CDK14: variants seen among roughly 807,000 people sequenced by gnomAD.
The protein encoded by CDK14 is cyclin-dependent kinase 14.
CDK14 carries 34 observed loss-of-function variants against 60.7 expected under a neutral mutation model. That is an observed-to-expected ratio of 0.56 (90% CI 0.43 to 0.75). The LOEUF (loss-of-function observed/expected upper bound fraction) is 0.75. CDK14 is among the 30% of genes least tolerant of loss of function. CDK14 has a pLI of 0.00. For missense variants in CDK14, 482 were observed against 564.1 expected (o/e 0.85, Z 1.47); for synonymous variants, 197 against 203.7 (o/e 0.97, Z 0.28).
intron 14 of CDK14, among the ~76,000 whole-genome samples, chr7:91,165,833 T>C (rs1354666342): frequency 6.6e-6 from 1 of 152,246 alleles, no homozygotes; most frequent in Non-Finnish European, 1.5e-5. Context: ...AAGTAATCAA[T>C]CATAGATTTA....
chr7:91,031,231 A>G (rs1003798711), intron 10 of CDK14, among the ~76,000 whole-genome samples: 1 of 152,184 alleles, frequency 6.6e-6, no homozygotes, highest in African/African-American at 2.4e-5. Flanking sequence ...TAAAGGGACA[A>G]TAAGATGATT....
At chr7:90,797,539 G>A (rs1376744584) in intron 5 of CDK14, among the ~76,000 whole-genome samples, 1 of 151,820 alleles carries the variant, frequency 6.6e-6, no homozygotes, top group Non-Finnish European at 1.5e-5. Flanking sequence ...AATGGCTTTG[G>A]GCCTTAGTAA....
chr7:91,083,478 A>T (rs1377877003), intron 12 of CDK14, among the ~76,000 whole-genome samples: 3 of 152,094 alleles, frequency 2.0e-5, no homozygotes, highest in Non-Finnish European at 4.4e-5. Flanking sequence ...TCTTGTCCTG[A>T]CCCTGCACTG....
At chr7:90,835,939 A>G (rs989817376) in intron 5 of CDK14, among the ~76,000 whole-genome samples, 2 of 152,206 alleles carry the variant, frequency 1.3e-5, no homozygotes, top group Non-Finnish European at 2.9e-5. Flanking sequence ...TTGTAACACA[A>G]TGGTAAGTAT....
chr7:90,871,393 G>C (rs1338562649), intron 6 of CDK14, among the ~76,000 whole-genome samples: 1 of 152,118 alleles, frequency 6.6e-6, no homozygotes, highest in Non-Finnish European at 1.5e-5. Flanking sequence ...GTGTATGGGA[G>C]TATGCACAGA....
At chr7:90,839,374 G>A (rs982545393) in intron 5 of CDK14, among the ~76,000 whole-genome samples, 9 of 152,158 alleles carry the variant, frequency 5.9e-5, no homozygotes, top group Admixed American at 5.9e-4. Context: ...CCTTGCCTCT[G>A]TTCAAGTAAG....
intron 14 of CDK14, among the ~76,000 whole-genome samples, chr7:91,200,806 A>G (rs1005649474): frequency 3.9e-5 from 6 of 152,198 alleles, no homozygotes; most frequent in African/African-American, 1.4e-4. Context: ...TCTTAAGAAT[A>G]GGCTAAATGT....
intron 11 of CDK14, among the ~76,000 whole-genome samples, chr7:91,064,403 G>A (rs1758235912): frequency 6.6e-6 from 1 of 152,176 alleles, no homozygotes; most frequent in Non-Finnish European, 1.5e-5. Context: ...GTGTAATGTG[G>A]ACAAATTGGT....
intron 5 of CDK14, among the ~76,000 whole-genome samples, chr7:90,817,912 C>G (rs542895446): frequency 1.3e-5 from 2 of 152,182 alleles, no homozygotes; most frequent in Non-Finnish European, 2.9e-5. Flanking sequence ...GTAAGGGAAC[C>G]AATCTCCCAC....
chr7:91,028,030 T>A (rs1015638715), intron 10 of CDK14, among the ~76,000 whole-genome samples: 4 of 141,100 alleles, frequency 2.8e-5, no homozygotes, highest in African/African-American at 1.1e-4. Context: ...GATTTTTTTT[T>A]ATCCCTCAAC....
intron 6 of CDK14, among the ~76,000 whole-genome samples, chr7:90,870,313 G>A (rs1791330621): frequency 6.6e-6 from 1 of 152,184 alleles, no homozygotes; most frequent in African/African-American, 2.4e-5. Context: ...GACACATAGA[G>A]GGGAACAACA....
rs575715750 is a variant in CDK14, at chr7:90,612,326, C to T, written c.123+8077C>T. On this transcript the variant is annotated intron_variant, in intron 2 of 14. Transcript: ENST00000380050. ...GTACTCCCCTGTTCAAAGATTCATG[C>T]ATCAAATGACGTTTGTTTTATGTCA... 2.6e-5 allele frequency among the ~76,000 whole-genome samples: 4 copies of T among 152,268 alleles called. No homozygotes were observed. In the South Asian group the frequency reaches 6.2e-4, roughly 24 times the overall value.
intron 14 of CDK14, among the ~76,000 whole-genome samples, chr7:91,199,764 A>G (rs924837513): frequency 6.6e-6 from 1 of 152,228 alleles, no homozygotes; most frequent in Non-Finnish European, 1.5e-5. Flanking sequence ...TGCTGCAATT[A>G]GTGCATTGTG....
chr7:90,862,258 A>G (rs575480876), intron 5 of CDK14, among the ~76,000 whole-genome samples: 4 of 152,310 alleles, frequency 2.6e-5, no homozygotes, highest in African/African-American at 7.2e-5. Flanking sequence ...GGCAAAATGC[A>G]TTAAAAATAT....
intron 9 of CDK14, among the ~76,000 whole-genome samples, chr7:90,970,371 A>C (rs532191836): frequency 6.6e-6 from 1 of 152,310 alleles, no homozygotes; most frequent in Non-Finnish European, 1.5e-5. Flanking sequence ...TTCTTTGCCA[A>C]AGCCTCTAAT....
At chr7:91,010,831 TCCTC>T (rs1185539845) in intron 10 of CDK14, among the ~76,000 whole-genome samples, 5,600 of 63,432 alleles carry the variant, frequency 0.088, 275 homozygotes, top group Non-Finnish European at 0.12. Context: ...CTTCCTTCCT[TCCTC>T]CCTCCCTCCC....
At chr7:91,152,055 C>A (rs1029710250) in intron 14 of CDK14, among the ~76,000 whole-genome samples, 3 of 152,176 alleles carry the variant, frequency 2.0e-5, no homozygotes, top group African/African-American at 7.2e-5. Context: ...GCTTTGTAAA[C>A]CAGTCATACT....
chr7:90,834,346 A>G (rs1245397156), intron 5 of CDK14, among the ~76,000 whole-genome samples: 1 of 152,206 alleles, frequency 6.6e-6, no homozygotes, highest in Non-Finnish European at 1.5e-5. Flanking sequence ...CAATGGGAGT[A>G]TGTCAGACAT....
chr7:90,825,630 T>G (rs1182294441), intron 5 of CDK14, among the ~76,000 whole-genome samples: 1 of 152,212 alleles, frequency 6.6e-6, no homozygotes, highest in Admixed American at 6.5e-5. Flanking sequence ...TTTCTTTGTA[T>G]AACCTTAAAA....
Sources: allele counts gnomAD v4.1 joint callset (sites outside exome capture counted in the v4.1 genomes callset), GRCh38; gene constraint gnomAD v4.1.1; transcripts MANE v1.5; gene names NCBI Gene and HGNC (gene_info 2026-07-23, HGNC 2026-07-21).